The following DTNBP1 variants were observed in gnomAD, a reference collection of about 807,000 sequenced individuals.
The protein encoded by DTNBP1 is dysbindin.
In DTNBP1, 35 loss-of-function variants were observed where a neutral mutation model predicts 42.8. That is an observed-to-expected ratio of 0.82 (90% CI 0.63 to 1.09). DTNBP1 has a LOEUF of 1.09. DTNBP1 is among the 50% of genes least tolerant of loss of function. The pLI is 0.00. For synonymous variants in DTNBP1, 171 were observed against 162.2 expected, an observed-to-expected ratio of 1.05 and a Z score of -0.41; for missense variants, 457 against 424.2, an observed-to-expected ratio of 1.08 and a Z score of -0.68.
intron 1 of DTNBP1, chr6:15,660,644 T>G: frequency 1.2e-6 from 1 of 857,128 alleles, no homozygotes; most frequent in Non-Finnish European, 1.6e-6. Context: ...TCTAACTAGA[T>G]CCCTTTGGCA....
At chr6:15,611,444 G>C (rs1044010712) in intron 6 of DTNBP1, among the ~76,000 whole-genome samples, 1 of 152,132 alleles carries the variant, frequency 6.6e-6, no homozygotes, top group Non-Finnish European at 1.5e-5. Context: ...TGTTGTGAAC[G>C]CAACACTGAT....
At chr6:15,624,726 TTTTA>T (rs1468650518) in intron 5 of DTNBP1, among the ~76,000 whole-genome samples, 1 of 152,192 alleles carries the variant, frequency 6.6e-6, no homozygotes, top group Non-Finnish European at 1.5e-5. Flanking sequence ...CTAAGTTTGT[TTTTA>T]TTTTTTATTA....
In DTNBP1 at chr6:15,546,063, C is replaced by CTTTTT. The variant is rs34253215; in HGVS notation, c.512-12673_512-12669dup. 4.3e-3 allele frequency: 1,336 copies of CTTTTT among 310,224 alleles called. 7 individuals are homozygous for CTTTTT. The highest frequency in any genetic ancestry group is 6.3e-3 in the Middle Eastern group (6 of 956). 19.2% of individuals were successfully genotyped at this position (310,224 alleles called of 1,614,324 possible). A position where few individuals can be genotyped will look rare whatever the true frequency, so the allele number is the denominator to read the frequency against. On this transcript the variant is annotated intron_variant, in intron 7 of 9. Coordinates refer to ENST00000344537, the MANE Select transcript of DTNBP1 (RefSeq NM_032122.5). ...ATGGATCGGAAGGTCACCTCCAGTT[C>CTTTTT]TTTTTTTTTTTTTTTTTTTTGAGAC... is the stretch of plus-strand genomic sequence containing the variant.
At chr6:15,543,254 G>T (rs1025695670) in intron 7 of DTNBP1, among the ~76,000 whole-genome samples, 2 of 151,996 alleles carry the variant, frequency 1.3e-5, no homozygotes, top group Non-Finnish European at 2.9e-5. Flanking sequence ...ATAATTATAG[G>T]TTCATAGGAT....
intron 6 of DTNBP1, among the ~76,000 whole-genome samples, chr6:15,594,606 T>A (rs1033308529): frequency 1.3e-5 from 2 of 152,100 alleles, no homozygotes; most frequent in African/African-American, 4.8e-5. Flanking sequence ...TATACCCCGA[T>A]AATAAAAACC....
At chr6:15,540,083 GGA>G (rs1193772947) in intron 7 of DTNBP1, among the ~76,000 whole-genome samples, 1 of 152,086 alleles carries the variant, frequency 6.6e-6, no homozygotes, top group Non-Finnish European at 1.5e-5. Flanking sequence ...CCAAGAACCA[GGA>G]CTCACTATGC....
chr6:15,523,740 A>G, intron 9 of DTNBP1: 1 of 1,287,228 alleles, frequency 7.8e-7, no homozygotes. Flanking sequence ...GTGAGGGTTC[A>G]CGCTGGTCTC....
chr6:15,640,222 A>G (rs1760265832), intron 3 of DTNBP1, among the ~76,000 whole-genome samples: 1 of 152,212 alleles, frequency 6.6e-6, no homozygotes, highest in Admixed American at 6.5e-5. Flanking sequence ...TATTGCTATT[A>G]GATTGTTCCC....
chr6:15,571,299 C>A lies in DTNBP1; in HGVS notation c.511+21760G>T, dbSNP rs143728624. Among the ~76,000 whole-genome samples, 127 of 152,256 alleles carry A rather than the reference C, an allele frequency of 8.3e-4. 1 individual carries two copies. The highest frequency in any genetic ancestry group is 1.6e-3 in the Non-Finnish European group (107 of 68,018). ...AAAATAAAGCTTTTAACTGCCTATA[C>A]ATAAAAGAAAAGATTTTGGCTGTCA... is the stretch of plus-strand genomic sequence containing the variant. On this transcript the variant is annotated intron_variant, in intron 7 of 9. Transcript: ENST00000344537.
At chr6:15,535,058 G>A (rs1224983128) in intron 7 of DTNBP1, among the ~76,000 whole-genome samples, 1 of 152,084 alleles carries the variant, frequency 6.6e-6, no homozygotes, top group South Asian at 2.1e-4. Context: ...ATCTCATATC[G>A]AATTGTAATT....
chr6:15,653,948 G>T (rs146638460), intron 1 of DTNBP1, among the ~76,000 whole-genome samples: 10 of 152,318 alleles, frequency 6.6e-5, no homozygotes, highest in African/African-American at 2.2e-4. Context: ...AACTATGCAT[G>T]CTGGTTCTGA....
At chr6:15,644,617 A>T (rs1465043005) in intron 3 of DTNBP1, among the ~76,000 whole-genome samples, 1 of 152,114 alleles carries the variant, frequency 6.6e-6, no homozygotes, top group African/African-American at 2.4e-5. Context: ...CAAAATAAAT[A>T]CCAAGAGGAA....
At chr6:15,636,911 A>T (rs143989816) in intron 4 of DTNBP1, among the ~76,000 whole-genome samples, 1 of 152,254 alleles carries the variant, frequency 6.6e-6, no homozygotes, top group East Asian at 1.9e-4. Context: ...AAGAACTTTT[A>T]AAAAATATAT....
chr6:15,638,455 A>T (rs1393877870), intron 3 of DTNBP1, among the ~76,000 whole-genome samples: 1 of 152,126 alleles, frequency 6.6e-6, no homozygotes, highest in African/African-American at 2.4e-5. Flanking sequence ...GAGAAAAAAA[A>T]TCTCCAATTG....
chr6:15,654,612 C>T (rs1761182255), intron 1 of DTNBP1, among the ~76,000 whole-genome samples: 1 of 151,848 alleles, frequency 6.6e-6, no homozygotes, highest in East Asian at 1.9e-4. Context: ...GCCCCCCTAC[C>T]CCATCTCCTC....
chr6:15,659,751 A>G lies in DTNBP1; in HGVS notation c.56+3063T>C, dbSNP rs571718318. Among the ~76,000 whole-genome samples, 3 of 151,998 alleles carry G rather than the reference A, an allele frequency of 2.0e-5. No individual in the cohort carries two copies. The South Asian group carries it at 6.2e-4, about 32-fold the overall frequency. On this transcript the variant is annotated intron_variant, in intron 1 of 9. Transcript: ENST00000344537. ...TATTTTTTAGTGGAGACGGGGTTTCACCACGTTGGCCAAGCTGGTCTTGAA... is the reference window on the plus strand; with the variant it reads ...TATTTTTTAGTGGAGACGGGGTTTCGCCACGTTGGCCAAGCTGGTCTTGAA...
In DTNBP1 at chr6:15,527,280, A is replaced by AT. The variant is rs373484073; in HGVS notation, c.668-2612dup. 3.4e-3 allele frequency among the ~76,000 whole-genome samples: 520 copies of AT among 152,354 alleles called. 4 individuals carry two copies. Among genetic ancestry groups the AT allele is most frequent in the African/African-American group, 0.012 (501 of 41,576 alleles). ...ACATAATATCCATAATCTTGGGGGC[A>AT]TGTCACTATACCTATTTGATGACTG... is the stretch of plus-strand genomic sequence containing the variant. On this transcript the variant is annotated intron_variant, in intron 8 of 9. Coordinates refer to ENST00000344537, the MANE Select transcript of DTNBP1 (RefSeq NM_032122.5).
chr6:15,551,620 C>G lies in DTNBP1; in HGVS notation c.512-18225G>C, dbSNP rs539958924. 2.2e-4 allele frequency among the ~76,000 whole-genome samples: 34 copies of G among 152,304 alleles called. 1 individual carries two copies. Among genetic ancestry groups the G allele is most frequent in the African/African-American group, 7.2e-4 (30 of 41,554 alleles). On this transcript the variant is annotated intron_variant, in intron 7 of 9. Coordinates refer to ENST00000344537, the MANE Select transcript of DTNBP1 (RefSeq NM_032122.5). ...CTGACAGGCCAGGGAGACCCAGGCT[C>G]TCTTTCCTCCACGCTCCCACATAGC...
chr6:15,635,548 T>C (rs1581419777), intron 4 of DTNBP1, among the ~76,000 whole-genome samples: 1 of 152,356 alleles, frequency 6.6e-6, no homozygotes, highest in East Asian at 1.9e-4. Flanking sequence ...TCCTACACTG[T>C]CTTTCCCTCA....
Sources: allele counts gnomAD v4.1 joint callset (sites outside exome capture counted in the v4.1 genomes callset), GRCh38; gene constraint gnomAD v4.1.1; transcripts MANE v1.5; gene names NCBI Gene and HGNC (gene_info 2026-07-23, HGNC 2026-07-21).